PTGES3: variants seen among roughly 807,000 people sequenced by gnomAD.
PTGES3 encodes the protein Hsp90 co-chaperone.
In PTGES3, 5 loss-of-function variants were observed where a neutral mutation model predicts 29.9. The ratio of observed to expected loss-of-function variants is 0.17; its 90% CI spans 0.09 to 0.35. PTGES3 has a LOEUF of 0.35. PTGES3 is among the 10% of genes least tolerant of loss of function. The pLI is 1.00. For missense variants in PTGES3, 128 were observed against 190.0 expected (o/e 0.67, Z 1.92); for synonymous variants, 49 against 57.8 (o/e 0.85, Z 0.69).
chr12:56,674,011 T>G (rs1952117713), intron 1 of PTGES3, among the ~76,000 whole-genome samples: 1 of 152,002 alleles, frequency 6.6e-6, no homozygotes, highest in South Asian at 2.1e-4. Context: ...GAGCTTCACT[T>G]TTTACATTAA....
At chr12:56,684,541 G>T (rs1424638231) in intron 1 of PTGES3, among the ~76,000 whole-genome samples, 1 of 152,148 alleles carries the variant, frequency 6.6e-6, no homozygotes, top group African/African-American at 2.4e-5. Context: ...ATGACAGGAA[G>T]ATTTTTACCA....
At position 56,670,389 on chromosome 12, in the gene PTGES3, C is replaced by G. The variant is rs181308546; in HGVS notation, c.286-25G>C. On this transcript the variant is annotated intron_variant, in intron 4 of 7. Coordinates refer to ENST00000262033, the MANE Select transcript of PTGES3 (RefSeq NM_006601.7). The stretch of plus-strand genomic sequence containing the variant: ...GCTATAAATCAATACAAATATCACC[C>G]TAAGATTAGGCTAATTTGCATTTGG... 5.3e-6 allele frequency: 8 copies of G among 1,521,376 alleles called. No individual in the cohort carries two copies. The African/African-American group carries it at 6.8e-5, about 13-fold the overall frequency. 94.2% of individuals were successfully genotyped at this position (1,521,376 alleles called of 1,614,324 possible).
At chr12:56,677,099 G>A (rs559975158) in intron 1 of PTGES3, among the ~76,000 whole-genome samples, 30 of 151,812 alleles carry the variant, frequency 2.0e-4, no homozygotes, top group Admixed American at 1.1e-3. Flanking sequence ...AATTAGCTGG[G>A]CATGGTGGTG....
chr12:56,670,198 CA>C, intron 5 of PTGES3, 76 bp downstream of exon 5: 2 of 1,014,710 alleles, frequency 2.0e-6, no homozygotes, highest in Non-Finnish European at 3.1e-6. Context: ...ATTAGGTGCC[CA>C]AAACCATATT....
At chr12:56,675,948 C>G (rs1000642466) in intron 1 of PTGES3, among the ~76,000 whole-genome samples, 3 of 151,740 alleles carry the variant, frequency 2.0e-5, no homozygotes, top group Non-Finnish European at 4.4e-5. Context: ...AACTGCAGAC[C>G]AGGCGCAGTG....
At chr12:56,667,990 C>G (rs2137592129) in intron 5 of PTGES3, among the ~76,000 whole-genome samples, 1 of 152,306 alleles carries the variant, frequency 6.6e-6, no homozygotes, top group East Asian at 1.9e-4. Flanking sequence ...CACCCGTAAT[C>G]CCAGCTACTT....
intron 1 of PTGES3, among the ~76,000 whole-genome samples, chr12:56,676,231 CCAAA>C (rs1050081021): frequency 4.9e-5 from 6 of 122,928 alleles, no homozygotes; most frequent in African/African-American, 1.9e-4. Context: ...GTCTCCCCCC[CCAAA>C]AAAAAAAAAA....
chr12:56,664,718 G>T (rs1335795420), intron 7 of PTGES3, 58 bp downstream of exon 7: 4 of 1,541,582 alleles, frequency 2.6e-6, no homozygotes, highest in Admixed American at 4.0e-5. Context: ...TCTCTATTTT[G>T]AGTTTGTTTT....
intron 1 of PTGES3, among the ~76,000 whole-genome samples, chr12:56,676,191 A>G (rs975524926): frequency 2.8e-4 from 41 of 146,688 alleles, no homozygotes; most frequent in South Asian, 4.3e-4. Context: ...ACGCCACTGC[A>G]CTACAGCCTG....
rs1952068340 is a variant in PTGES3 at position 56,673,004 on chromosome 12, C to T, written c.64G>A (p.Glu22Lys). Reference sequence around the variant, plus strand: ...TTTACATTAACATCCTTACTGTCTTCAACACAAAATTCAATGAAGACATAG... The same window carrying T: ...TTTACATTAACATCCTTACTGTCTTTAACACAAAATTCAATGAAGACATAG... Reference protein sequence around the residue: ...RDYVFIEFCVEDSKDVNVNFE... With the variant: ...RDYVFIEFCVKDSKDVNVNFE... The change falls in exon 2 of 8, where the codon GAA (glutamate) becomes AAA (lysine). Residue 22 changes from glutamate to lysine, a missense_variant. By Grantham distance (56) the Glu-to-Lys change is moderately conservative. Coordinates refer to ENST00000262033, the MANE Select transcript of PTGES3 (RefSeq NM_006601.7). 3 of 1,610,118 alleles carry T rather than the reference C, an allele frequency of 1.9e-6. No homozygotes were observed. Among genetic ancestry groups the T allele is most frequent in the Non-Finnish European group, 2.5e-6 (3 of 1,179,044 alleles).
Position 56,671,820 on chromosome 12 carries a change from A to T in PTGES3, c.214T>A (p.Ser72Thr), listed in dbSNP as rs1952017187. 6.4e-7 allele frequency: 1 copy of T among 1,571,244 alleles called. No individual in the cohort carries two copies. Among genetic ancestry groups the T allele is most frequent in the Non-Finnish European group, 8.6e-7 (1 of 1,156,924 alleles). The change falls in exon 4 of 8, where the codon TCA becomes ACA. Residue 72 changes from serine to threonine, a missense_variant. By Grantham distance (58) the Ser-to-Thr change is moderately conservative. Transcript: ENST00000262033. ...NDSKHKRTDR[S>T]ILCCLRKGES... The stretch of plus-strand genomic sequence containing the variant: ...CCTTTTCGTAAACAACATAAAATTG[A>T]TCTGTCCGTTCTTTTATGCTTGGAA...
At position 56,666,243 on chromosome 12, in the gene PTGES3, A is replaced by G. The variant is rs114309028; in HGVS notation, c.399T>C (p.Asp133=). 1.2e-6 allele frequency: 2 copies of G among 1,608,102 alleles called. No homozygotes were observed. Among genetic ancestry groups the G allele is most frequent in the African/African-American group, 2.7e-5 (2 of 74,584 alleles). The change falls in exon 6 of 8, where the codon GAT becomes GAC. Residue 133 remains aspartate (D), a synonymous_variant. Transcript: ENST00000262033. ...FSEMMNNMGG[D]EDVDLPEVDG... is the part of the protein sequence containing the mutation. ...CTACTTCTGGTAAATCTACATCCTCATCACCACCCATGTTGTTCATCATCT... is the reference window on the plus strand; with the variant it reads ...CTACTTCTGGTAAATCTACATCCTCGTCACCACCCATGTTGTTCATCATCT...
chr12:56,668,521 T>C (rs556408687), intron 5 of PTGES3, among the ~76,000 whole-genome samples: 2 of 152,320 alleles, frequency 1.3e-5, no homozygotes, highest in African/African-American at 4.8e-5. Context: ...GGAGGATCAC[T>C]TGAGCTCAGG....
chr12:56,678,799 T>C (rs919105805), intron 1 of PTGES3, among the ~76,000 whole-genome samples: 2 of 152,162 alleles, frequency 1.3e-5, no homozygotes, highest in African/African-American at 2.4e-5. Flanking sequence ...GCCCTTCTAT[T>C]GAGCTTAGAA....
At chr12:56,677,146 G>A (rs1463221902) in intron 1 of PTGES3, among the ~76,000 whole-genome samples, 3 of 151,250 alleles carry the variant, frequency 2.0e-5, no homozygotes, top group African/African-American at 7.3e-5. Flanking sequence ...TGGCTGAGGC[G>A]GGAGAATTGC....
chr12:56,669,337 CA>C (rs1378141071), intron 5 of PTGES3, among the ~76,000 whole-genome samples: 2 of 152,170 alleles, frequency 1.3e-5, no homozygotes, highest in African/African-American at 4.8e-5. Flanking sequence ...GAATCACAGG[CA>C]TGCACCACTA....
chr12:56,687,112 C>T, intron 1 of PTGES3: 1 of 771,506 alleles, frequency 1.3e-6, no homozygotes, highest in Non-Finnish European at 1.7e-6. Flanking sequence ...TTTCCTTTAT[C>T]ATCGTAAAAT....
chr12:56,670,882 G>A (rs1239590128), intron 4 of PTGES3: 2 of 153,924 alleles, frequency 1.3e-5, no homozygotes, highest in Non-Finnish European at 2.9e-5. Flanking sequence ...GGAAAGACTA[G>A]TTGTGTAATC....
intron 6 of PTGES3, chr12:56,665,283 T>A: frequency 6.7e-5 from 44 of 660,708 alleles, no homozygotes; most frequent in South Asian, 7.1e-5. Context: ...CCAATGTCCA[T>A]CTTTTTTTTT....
Sources: allele counts gnomAD v4.1 joint callset (sites outside exome capture counted in the v4.1 genomes callset), GRCh38; gene constraint gnomAD v4.1.1; transcripts MANE v1.5; gene names NCBI Gene and HGNC (gene_info 2026-07-23, HGNC 2026-07-21).